CELF5: variants seen among roughly 807,000 people sequenced by gnomAD.
CELF5 encodes CUG-BP and ETR-3 like factor 5.
Under a neutral mutation model 54.9 loss-of-function variants are expected in CELF5, and 6 were observed. The ratio of observed to expected loss-of-function variants is 0.11; its 90% CI spans 0.06 to 0.22. The LOEUF is 0.22. CELF5 is among the 10% of genes least tolerant of loss of function. The pLI is 1.00. For synonymous variants in CELF5, 271 were observed against 290.9 expected, an observed-to-expected ratio of 0.93 and a Z score of 0.70; for missense variants, 401 against 678.6, an observed-to-expected ratio of 0.59 and a Z score of 4.54.
intron 5 of CELF5, among the ~76,000 whole-genome samples, chr19:3,279,035 G>A (rs1330251486): frequency 2.0e-5 from 3 of 152,184 alleles, no homozygotes; most frequent in Non-Finnish European, 4.4e-5. Flanking sequence ...CAGGTCGGTT[G>A]CAAATATCCC....
chr19:3,251,652 CTT>C (rs1195812856), intron 2 of CELF5, among the ~76,000 whole-genome samples: 123 of 67,106 alleles, frequency 1.8e-3, no homozygotes, highest in East Asian at 0.012. Context: ...ACAAGGGCTT[CTT>C]TTTTTTTTTT....
At chr19:3,269,393 A>G (rs2079926363) in intron 2 of CELF5, among the ~76,000 whole-genome samples, 1 of 151,772 alleles carries the variant, frequency 6.6e-6, no homozygotes, top group Non-Finnish European at 1.5e-5. Context: ...GGCCAGGGTG[A>G]TCTCAAACTC....
chr19:3,288,479 G>A (rs1366449646), intron 10 of CELF5, among the ~76,000 whole-genome samples: 3 of 152,000 alleles, frequency 2.0e-5, no homozygotes, highest in Non-Finnish European at 2.9e-5. Flanking sequence ...CCAAGATCAC[G>A]CCATTGCACT....
rs116363997 is a variant in CELF5 at position 3,236,378 on chromosome 19, G to A, written c.259+11380G>A. Among the ~76,000 whole-genome samples, 351 of 152,264 alleles carry A rather than the reference G, an allele frequency of 2.3e-3. 3 individuals carry two copies. The highest frequency in any genetic ancestry group is 7.7e-3 in the African/African-American group (319 of 41,540). The stretch of plus-strand genomic sequence containing the variant: ...TGGTTCCCATTTGGTGGATGAGACT[G>A]TGAAGGCTCAGAGAGGTTAAGTGGC... On this transcript the variant is annotated intron_variant, in intron 1 of 12. Coordinates refer to ENST00000292672, the MANE Select transcript of CELF5 (RefSeq NM_021938.4).
At chr19:3,292,813 T>A (rs2145326292) in intron 11 of CELF5, among the ~76,000 whole-genome samples, 1 of 152,224 alleles carries the variant, frequency 6.6e-6, no homozygotes, top group Non-Finnish European at 1.5e-5. Flanking sequence ...GGAGCATCTC[T>A]TGAGCCAAGG....
intron 1 of CELF5, among the ~76,000 whole-genome samples, chr19:3,246,453 C>T (rs2079568729): frequency 6.6e-6 from 1 of 151,980 alleles, no homozygotes; most frequent in Non-Finnish European, 1.5e-5. Context: ...CCTATAATCC[C>T]AGCACTTTGG....
At chr19:3,290,413 C>T (rs1287024054) in intron 11 of CELF5, 39 bp downstream of exon 11, 2 of 1,608,450 alleles carry the variant, frequency 1.2e-6, no homozygotes, top group South Asian at 2.2e-5. Context: ...CATCCACCTC[C>T]CTCGCCTGCC....
intron 11 of CELF5, 110 bp from the exon 12 acceptor site, chr19:3,293,208 GC>G: frequency 3.5e-6 from 5 of 1,420,426 alleles, no homozygotes; most frequent in Non-Finnish European, 4.8e-6. Flanking sequence ...GTGCAGGTGT[GC>G]ACGCAGGCCT....
At chr19:3,255,938 G>C (rs2079718500) in intron 2 of CELF5, among the ~76,000 whole-genome samples, 1 of 151,956 alleles carries the variant, frequency 6.6e-6, no homozygotes. Context: ...GGTGGCAGGG[G>C]TCTGTAATCC....
intron 2 of CELF5, among the ~76,000 whole-genome samples, chr19:3,261,205 G>T (rs2079803390): frequency 6.6e-6 from 1 of 152,064 alleles, no homozygotes; most frequent in South Asian, 2.1e-4. Flanking sequence ...GGATCATGAG[G>T]TCAGGAGTTC....
At chr19:3,264,706 A>G (rs111347028) in intron 2 of CELF5, among the ~76,000 whole-genome samples, 35,340 of 141,922 alleles carry the variant, frequency 0.25, 4,402 homozygotes, top group Middle Eastern at 0.36. Flanking sequence ...GTGAGCCACC[A>G]CACCCGGCCT....
intron 2 of CELF5, among the ~76,000 whole-genome samples, chr19:3,257,381 T>G (rs1215336064): frequency 6.6e-6 from 1 of 152,116 alleles, no homozygotes; most frequent in East Asian, 1.9e-4. Flanking sequence ...AGTGAGCAGC[T>G]TGAATTTTGT....
intron 1 of CELF5, among the ~76,000 whole-genome samples, chr19:3,246,932 C>T (rs1311045632): frequency 2.0e-5 from 3 of 152,124 alleles, no homozygotes; most frequent in African/African-American, 7.2e-5. Flanking sequence ...GACACAAGGG[C>T]GGACCTATGC....
At chr19:3,265,474 C>G (rs973889682) in intron 2 of CELF5, among the ~76,000 whole-genome samples, 3 of 152,200 alleles carry the variant, frequency 2.0e-5, no homozygotes, top group Non-Finnish European at 2.9e-5. Flanking sequence ...AGTTCAGAGG[C>G]AGTTCTGCAG....
chr19:3,253,879 T>C (rs1421769019), intron 2 of CELF5, among the ~76,000 whole-genome samples: 1 of 152,184 alleles, frequency 6.6e-6, no homozygotes, highest in Non-Finnish European at 1.5e-5. Context: ...CCAACACTTC[T>C]AAGGAGTCCT....
intron 11 of CELF5, among the ~76,000 whole-genome samples, chr19:3,291,726 G>A (rs1186141371): frequency 2.0e-5 from 3 of 151,814 alleles, no homozygotes; most frequent in African/African-American, 7.3e-5. Flanking sequence ...GGAGGCCCAT[G>A]TGGCTGGAGC....
At position 3,275,769 on chromosome 19, in the gene CELF5, G is replaced by T; in HGVS notation, c.395-87G>T. ...GGGCGCCGCGTCTTCCTGCCCTGCC[G>T]CCTCCACTCTGCTGGAGGGAGGGAG... On this transcript the variant is annotated intron_variant, in intron 3 of 12. Transcript: ENST00000292672. This position sits in a 1 kb window ranked among gnomAD's most constrained non-coding sequence, Gnocchi z 6.7. 1 of 1,416,754 alleles carries T rather than the reference G, an allele frequency of 7.1e-7. No individual in the cohort carries two copies. The allele number at this position is 1,416,754 out of a possible 1,614,324, so 87.8% of individuals were successfully genotyped here.
At chr19:3,246,020 G>A (rs1356430232) in intron 1 of CELF5, among the ~76,000 whole-genome samples, 1 of 152,164 alleles carries the variant, frequency 6.6e-6, no homozygotes, top group African/African-American at 2.4e-5. Context: ...TTAAACACAC[G>A]CCTGTCTTAT....
intron 1 of CELF5, among the ~76,000 whole-genome samples, chr19:3,247,590 A>T (rs1410687195): frequency 1.3e-5 from 2 of 150,496 alleles, no homozygotes; most frequent in Non-Finnish European, 3.0e-5. Flanking sequence ...CCCAAGACAT[A>T]GTGTGACATA....
Sources: gnomAD v4.1 joint callset for allele counts (sites outside exome capture counted in the v4.1 genomes callset) on GRCh38, gnomAD v4.1.1 for gene constraint, Gnocchi (gnomAD v3.1) non-coding constraint, MANE v1.5 for transcripts, NCBI Gene and HGNC (gene_info 2026-07-23, HGNC 2026-07-21) for gene names.